Variants in PTPRE observed in about 807,000 individuals in gnomAD.
The protein encoded by PTPRE is protein tyrosine phosphatase receptor type E, also known as receptor-type tyrosine-protein phosphatase epsilon.
In PTPRE, 51 loss-of-function variants were observed where a neutral mutation model predicts 102.0. The observed-to-expected ratio is 0.50, with a 90% CI of 0.40 to 0.63. The LOEUF (loss-of-function observed/expected upper bound fraction) is 0.63. PTPRE is among the 30% of genes least tolerant of loss of function. The probability of loss-of-function intolerance (pLI) is 0.00; values close to 1 mark genes in which losing one functional copy is unlikely to be tolerated. For missense variants in PTPRE, 752 were observed against 915.1 expected (o/e 0.82, Z 2.30); for synonymous variants, 345 against 348.2 (o/e 0.99, Z 0.10).
At position 128,008,673 on chromosome 10, in the gene PTPRE, T is replaced by A. The variant is rs1844718029; in HGVS notation, c.-8+26377T>A. On this transcript the variant is annotated intron_variant, in intron 2 of 20. Coordinates refer to ENST00000254667, the MANE Select transcript of PTPRE (RefSeq NM_006504.6). The surrounding 1 kb of genome is among the most constrained non-coding windows in gnomAD (Gnocchi z 4.0). ...AGTCACGTCTTCCCAGAATCTACTG[T>A]GGTAATTCCGGCCAGGACTCAAGGA... Among the ~76,000 whole-genome samples the A allele has an allele frequency of 6.6e-6, 1 of 152,094 alleles. No individual in the cohort carries two copies.
chr10:127,984,448 A>T (rs928241962), intron 2 of PTPRE, among the ~76,000 whole-genome samples: 20 of 152,268 alleles, frequency 1.3e-4, no homozygotes, highest in African/African-American at 4.6e-4. Context: ...GATTAAGGGT[A>T]CTTCTGATTC....
intron 1 of PTPRE, among the ~76,000 whole-genome samples, chr10:127,911,684 G>T (rs1366990517): frequency 6.6e-6 from 1 of 152,190 alleles, no homozygotes; most frequent in Non-Finnish European, 1.5e-5. Flanking sequence ...TACAAGGCTG[G>T]ATCCCAGGCA....
chr10:127,969,161 G>C (rs759025763), intron 1 of PTPRE, among the ~76,000 whole-genome samples: 1 of 152,178 alleles, frequency 6.6e-6, no homozygotes, highest in East Asian at 1.9e-4. Flanking sequence ...GAAGGCGAAC[G>C]CCATGGAGCT....
chr10:128,030,756 G>A (rs913560121), intron 2 of PTPRE, among the ~76,000 whole-genome samples: 4 of 152,218 alleles, frequency 2.6e-5, no homozygotes, highest in East Asian at 3.9e-4. Context: ...ACTCCTGGTC[G>A]CCCGCGTCCT....
chr10:127,929,278 T>C (rs997296467), intron 1 of PTPRE: 3 of 152,220 alleles, frequency 2.0e-5, no homozygotes, highest in African/African-American at 7.2e-5. Context: ...GCTGTGTAAA[T>C]AGTGAACTTA....
intron 1 of PTPRE, among the ~76,000 whole-genome samples, chr10:127,956,210 C>T (rs1180393703): frequency 3.3e-5 from 5 of 151,992 alleles, no homozygotes; most frequent in Admixed American, 6.6e-5. Flanking sequence ...TTTTAGGAGT[C>T]GACTATATTA....
intron 1 of PTPRE, among the ~76,000 whole-genome samples, chr10:127,962,008 T>C (rs1369920447): frequency 6.6e-6 from 1 of 152,174 alleles, no homozygotes; most frequent in Non-Finnish European, 1.5e-5. Context: ...AGAGACTCCA[T>C]TTTTCTCTGG....
chr10:128,025,156 C>T (rs12260452), intron 2 of PTPRE, among the ~76,000 whole-genome samples: 1 of 35,104 alleles, frequency 2.8e-5, no homozygotes, highest in Non-Finnish European at 5.0e-5. Context: ...GAGATCCTGT[C>T]TCAAAAAAAA....
intron 1 of PTPRE, chr10:127,964,718 G>T (rs919972080): frequency 4.6e-6 from 1 of 216,502 alleles, no homozygotes; most frequent in African/African-American, 2.3e-5. Flanking sequence ...TGAGACACAG[G>T]TTGGTGATAT....
chr10:128,082,719 G>A (rs1340539862), intron 20 of PTPRE, 113 bp from the exon 21 acceptor site: 2 of 1,228,334 alleles, frequency 1.6e-6, no homozygotes, highest in Non-Finnish European at 1.1e-6. Context: ...AAGGTATATG[G>A]TATTTTAATG....
chr10:127,915,997 A>G (rs78982421), intron 1 of PTPRE, among the ~76,000 whole-genome samples: 5,288 of 137,752 alleles, frequency 0.038, 125 homozygotes, highest in Middle Eastern at 0.092. Context: ...GTTACAGGGA[A>G]AAAAAAAAAA....
At chr10:128,044,570 C>T (rs1335056900) in intron 3 of PTPRE, among the ~76,000 whole-genome samples, 1 of 152,238 alleles carries the variant, frequency 6.6e-6, no homozygotes, top group Non-Finnish European at 1.5e-5. Flanking sequence ...CACACACACA[C>T]ACAAGTTGCA....
chr10:128,039,091 G>A (rs889074899), intron 2 of PTPRE, among the ~76,000 whole-genome samples: 7 of 152,220 alleles, frequency 4.6e-5, no homozygotes, highest in African/African-American at 1.7e-4. Flanking sequence ...CTCTGGAATT[G>A]TATTAAACCA....
intron 1 of PTPRE, among the ~76,000 whole-genome samples, chr10:127,912,753 C>G (rs1394175002): frequency 2.0e-5 from 3 of 152,206 alleles, no homozygotes; most frequent in Non-Finnish European, 2.9e-5. Flanking sequence ...GTCGTCAGCT[C>G]CCAGGGATGG....
At position 127,986,973 on chromosome 10, in the gene PTPRE, C is replaced by T. The variant is rs184919512; in HGVS notation, c.-8+4677C>T. Among the ~76,000 whole-genome samples the T allele has an allele frequency of 4.6e-5, 7 of 152,300 alleles. No homozygotes were observed. The East Asian group carries it at 9.6e-4, about 21-fold the overall frequency. ...TTTTTATGAGCACCAATGGATTCCA[C>T]GGGTTTCTATCCAAGCCACAGCGAC... On this transcript the variant is annotated intron_variant, in intron 2 of 20. Transcript: ENST00000254667.
chr10:127,969,497 C>T (rs951178164), intron 1 of PTPRE, among the ~76,000 whole-genome samples: 5 of 151,996 alleles, frequency 3.3e-5, no homozygotes, highest in Non-Finnish European at 5.9e-5. Context: ...GTGAAACCCT[C>T]TCTCTACTAA....
intron 2 of PTPRE, among the ~76,000 whole-genome samples, chr10:128,010,183 G>A (rs1010362193): frequency 6.6e-6 from 1 of 152,212 alleles, no homozygotes; most frequent in Non-Finnish European, 1.5e-5. Context: ...ATACCTGAGT[G>A]GGGGTGGTTT....
chr10:128,023,623 TG>T (rs1564894995), intron 2 of PTPRE, among the ~76,000 whole-genome samples: 8 of 152,230 alleles, frequency 5.3e-5, no homozygotes, highest in Admixed American at 2.0e-4. Context: ...ATAGTATATC[TG>T]TGGCTTCAGG....
chr10:128,018,738 A>G (rs1366484359), intron 2 of PTPRE, among the ~76,000 whole-genome samples: 5 of 152,172 alleles, frequency 3.3e-5, no homozygotes, highest in African/African-American at 1.2e-4. Context: ...AAACCTCAAG[A>G]GTTGAAAACC....
Sources: allele counts gnomAD v4.1 joint callset (sites outside exome capture counted in the v4.1 genomes callset), GRCh38; gene constraint gnomAD v4.1.1; non-coding constraint Gnocchi (gnomAD v3.1); transcripts MANE v1.5; gene names NCBI Gene and HGNC (gene_info 2026-07-23, HGNC 2026-07-21).